The following RALYL variants were observed in gnomAD, a reference collection of about 807,000 sequenced individuals.
RALYL encodes the protein RALY RNA binding protein like.
In RALYL, 29 loss-of-function variants were observed where a neutral mutation model predicts 35.1. The ratio of observed to expected loss-of-function variants is 0.83; its 90% CI spans 0.61 to 1.13. The LOEUF (loss-of-function observed/expected upper bound fraction) is 1.13. RALYL is among the 50% of genes most tolerant of loss of function. RALYL has a pLI of 0.00. For missense variants in RALYL, 359 were observed against 360.4 expected, an observed-to-expected ratio of 1.00 and a Z score of 0.03; for synonymous variants, 120 against 127.6, an observed-to-expected ratio of 0.94 and a Z score of 0.40.
intron 2 of RALYL, among the ~76,000 whole-genome samples, chr8:84,695,562 C>T (rs1564389930): frequency 6.6e-6 from 1 of 151,724 alleles, no homozygotes; most frequent in Non-Finnish European, 1.5e-5. Flanking sequence ...AATCACATAT[C>T]TATTATAAGC....
chr8:84,812,414 T>C (rs1826108647), intron 4 of RALYL, among the ~76,000 whole-genome samples: 1 of 152,112 alleles, frequency 6.6e-6, no homozygotes, highest in Non-Finnish European at 1.5e-5. Context: ...GGCCTTCTGC[T>C]GGGAGGTGGC....
intron 1 of RALYL, among the ~76,000 whole-genome samples, chr8:84,354,676 A>G (rs1586552158): frequency 6.6e-6 from 1 of 150,528 alleles, no homozygotes. Flanking sequence ...GTGTTTCTCT[A>G]CATTAAATAT....
intron 1 of RALYL, among the ~76,000 whole-genome samples, chr8:84,187,233 G>A (rs1812757109): frequency 6.6e-6 from 1 of 152,016 alleles, no homozygotes; most frequent in Non-Finnish European, 1.5e-5. Flanking sequence ...CTTTTTATGG[G>A]ATAATAAAAT....
intron 1 of RALYL, among the ~76,000 whole-genome samples, chr8:84,505,891 G>T (rs1026091596): frequency 6.6e-6 from 1 of 152,004 alleles, no homozygotes; most frequent in Admixed American, 6.6e-5. Context: ...CTGGTATAGG[G>T]TGACTTTTGA....
chr8:84,361,403 A>G (rs1852990125), intron 1 of RALYL, among the ~76,000 whole-genome samples: 1 of 152,124 alleles, frequency 6.6e-6, no homozygotes, highest in Admixed American at 6.6e-5. Context: ...AAGTGGCCCA[A>G]ATGCACTCAC....
At chr8:84,505,623 G>A (rs1379157442) in intron 1 of RALYL, among the ~76,000 whole-genome samples, 24 of 151,824 alleles carry the variant, frequency 1.6e-4, no homozygotes, top group Admixed American at 1.4e-3. Flanking sequence ...TATATTGCAC[G>A]ACACTGAGGG....
intron 1 of RALYL, among the ~76,000 whole-genome samples, chr8:84,367,346 TTTTTTTTTTTTTTTTTTTTTTTTA>T: frequency 1.8e-5 from 2 of 110,134 alleles, no homozygotes; most frequent in Admixed American, 9.4e-5. Flanking sequence ...TTTTTTTTTT[TTTTTTTTTTTTTTTTTTTTTTTTA>T]GTAGAGGCAG....
chr8:84,562,411 A>T (rs1170467250), intron 2 of RALYL, among the ~76,000 whole-genome samples: 1 of 151,950 alleles, frequency 6.6e-6, no homozygotes, highest in East Asian at 1.9e-4. Context: ...TAACTCGTTA[A>T]CATCTTCACA....
chr8:84,465,133 C>A (rs1325360244), intron 1 of RALYL, among the ~76,000 whole-genome samples: 1 of 132,430 alleles, frequency 7.6e-6, no homozygotes, highest in East Asian at 2.1e-4. Context: ...TGTGCAGAAG[C>A]TCTTTAGTTT....
At chr8:84,753,321 G>A (rs570771657) in intron 2 of RALYL, among the ~76,000 whole-genome samples, 37 of 152,246 alleles carry the variant, frequency 2.4e-4, no homozygotes, top group Non-Finnish European at 4.1e-4. Flanking sequence ...TTATTTTACA[G>A]GCTCATAGGC....
chr8:84,278,518 G>C (rs1327058981), intron 1 of RALYL, among the ~76,000 whole-genome samples: 1 of 152,174 alleles, frequency 6.6e-6, no homozygotes, highest in East Asian at 1.9e-4. Flanking sequence ...CTAGAAAATG[G>C]GTTTTTCCTT....
intron 5 of RALYL, among the ~76,000 whole-genome samples, chr8:84,854,329 A>G (rs1836513445): frequency 6.6e-6 from 1 of 151,664 alleles, no homozygotes; most frequent in South Asian, 2.1e-4. Flanking sequence ...CTGGGGACAG[A>G]GCGAAACTCC....
intron 1 of RALYL, among the ~76,000 whole-genome samples, chr8:84,391,271 A>T (rs1860634615): frequency 6.6e-6 from 1 of 151,958 alleles, no homozygotes; most frequent in African/African-American, 2.4e-5. Context: ...AAGCCCTAGG[A>T]AAGGTGCCTA....
chr8:84,390,323 C>A (rs574437426), intron 1 of RALYL, among the ~76,000 whole-genome samples: 4 of 152,124 alleles, frequency 2.6e-5, no homozygotes, highest in African/African-American at 9.6e-5. Flanking sequence ...TGTGTCTCTG[C>A]CTGACTTTGG....
At chr8:84,285,230 T>C (rs1837363490) in intron 1 of RALYL, among the ~76,000 whole-genome samples, 1 of 152,194 alleles carries the variant, frequency 6.6e-6, no homozygotes, top group Non-Finnish European at 1.5e-5. Flanking sequence ...TTAAAATAAC[T>C]ATAAAGATGC....
At chr8:84,841,346 C>A (rs1833276003) in intron 4 of RALYL, among the ~76,000 whole-genome samples, 1 of 151,950 alleles carries the variant, frequency 6.6e-6, no homozygotes, top group Non-Finnish European at 1.5e-5. Context: ...GACTTTAAAC[C>A]AACAAAGATC....
intron 1 of RALYL, among the ~76,000 whole-genome samples, chr8:84,358,458 C>T (rs561442480): frequency 5.3e-5 from 8 of 151,670 alleles, no homozygotes; most frequent in Admixed American, 1.3e-4. Context: ...ATACATGAAA[C>T]GATGTTGTTT....
At chr8:84,372,968 T>G (rs1856201174) in intron 1 of RALYL, among the ~76,000 whole-genome samples, 1 of 149,280 alleles carries the variant, frequency 6.7e-6, no homozygotes, top group Non-Finnish European at 1.5e-5. Flanking sequence ...TCATTGTGGT[T>G]TTGATTTGTA....
chr8:84,199,149 C>T (rs1240137961), intron 1 of RALYL, among the ~76,000 whole-genome samples: 1 of 152,062 alleles, frequency 6.6e-6, no homozygotes, highest in Non-Finnish European at 1.5e-5. Context: ...ATATCCTCGC[C>T]AACATTTGTT....
Sources: allele counts gnomAD v4.1 joint callset (sites outside exome capture counted in the v4.1 genomes callset), GRCh38; gene constraint gnomAD v4.1.1; transcripts MANE v1.5; gene names NCBI Gene and HGNC (gene_info 2026-07-23, HGNC 2026-07-21).